ZNF555: variants seen among roughly 807,000 people sequenced by gnomAD.
ZNF555 encodes zinc finger protein 555.
A neutral mutation model predicts 14.0 loss-of-function variants in ZNF555; 10 were observed. The ratio of observed to expected loss-of-function variants is 0.72; its 90% CI spans 0.44 to 1.21. The LOEUF is 1.21. Among genes scored for constraint, ZNF555 ranks in the 50% most tolerant of loss-of-function variants. ZNF555 has a pLI of 0.00. For missense variants in ZNF555, 747 were observed against 762.0 expected, an observed-to-expected ratio of 0.98 and a Z score of 0.23; for synonymous variants, 277 against 262.4, an observed-to-expected ratio of 1.06 and a Z score of -0.54.
chr19:2,845,066 A>G (rs1446099678), intron 1 of ZNF555, among the ~76,000 whole-genome samples: 1 of 152,162 alleles, frequency 6.6e-6, no homozygotes, highest in African/African-American at 2.4e-5. Flanking sequence ...TGAGCTTGTC[A>G]CCCAGATAGT....
chr19:2,850,211 C>T (rs141371848), intron 1 of ZNF555, among the ~76,000 whole-genome samples: 18 of 152,144 alleles, frequency 1.2e-4, no homozygotes, highest in African/African-American at 4.1e-4. Context: ...TGTGTAGTGC[C>T]GAATGATGGT....
At position 2,841,576 on chromosome 19, in the gene ZNF555, G is replaced by C. The variant is rs1413755158; in HGVS notation, c.3+1G>C. On this transcript the variant is annotated splice_donor_variant, in intron 1 of 3. Coordinates refer to ENST00000334241, the MANE Select transcript of ZNF555 (RefSeq NM_152791.5). LOFTEE classifies it high-confidence loss of function. ...AGCGAAGAAATCGCCCCGGGACATG[G>C]TGAGTGTGGCGCAGGAGAGGATCCC... 1 of 1,542,484 alleles carries C rather than the reference G, an allele frequency of 6.5e-7. No homozygotes were observed. The highest frequency in any genetic ancestry group is 8.7e-7 in the Non-Finnish European group (1 of 1,143,372).
At chr19:2,843,617 A>G (rs1332822676) in intron 1 of ZNF555, among the ~76,000 whole-genome samples, 4 of 152,210 alleles carry the variant, frequency 2.6e-5, no homozygotes, top group African/African-American at 7.2e-5. Context: ...TCTCCTTGAC[A>G]TGGTAGAGAA....
At position 2,841,483 on chromosome 19, in the gene ZNF555, C is replaced by G. The variant is rs1010718126; in HGVS notation, c.-90C>G. On this transcript the variant is annotated 5_prime_UTR_variant, in exon 1 of 4. Transcript: ENST00000334241. ...TGGGACGGGACGCCTCTGTCCTAGC[C>G]GTGAGTGCCCCGCCTGCCCCTAGCG... is the stretch of plus-strand genomic sequence containing the variant. The G allele has an allele frequency of 1.4e-5, 21 of 1,534,894 alleles. No homozygotes were observed. Among genetic ancestry groups the G allele is most frequent in the Non-Finnish European group, 1.7e-5 (19 of 1,136,436 alleles).
rs2087670736 is a variant in ZNF555, at chr19:2,854,869, A to T, written c.*917A>T. 1 of 152,172 alleles carries T rather than the reference A, an allele frequency of 6.6e-6. No homozygotes were observed. Among genetic ancestry groups the T allele is most frequent in the South Asian group, 2.1e-4 (1 of 4,826 alleles). 9.4% of individuals were successfully genotyped at this position (152,172 alleles called of 1,614,324 possible). Reference sequence around the variant, plus strand: ...TCTCAAAACCCTGCATGACCTCTTGACCACTGATTCAGACTGTCTTGTTTG... The same window carrying T: ...TCTCAAAACCCTGCATGACCTCTTGTCCACTGATTCAGACTGTCTTGTTTG... On this transcript the variant is annotated 3_prime_UTR_variant, in exon 4 of 4. Coordinates refer to ENST00000334241, the MANE Select transcript of ZNF555 (RefSeq NM_152791.5).
rs750220752 is a variant in ZNF555 at position 2,851,572 on chromosome 19, T to C, written c.235T>C (p.Ser79Pro). ...SKIATFTRNV[S>P]WASVLGKIWD... ...AATAGCCACGTTCACCAGAAATGTTTCCTGGGCCTCTGTTTTAGGAAAAAT... is the reference window on the plus strand; with the variant it reads ...AATAGCCACGTTCACCAGAAATGTTCCCTGGGCCTCTGTTTTAGGAAAAAT... The change falls in exon 3 of 4, where the codon TCC (serine) becomes CCC (proline). Residue 79 changes from serine (S) to proline (P), a missense_variant. Ser to Pro is a moderately conservative substitution (Grantham distance 74). Coordinates refer to ENST00000334241, the MANE Select transcript of ZNF555 (RefSeq NM_152791.5). The C allele has an allele frequency of 6.2e-7, 1 of 1,612,598 alleles. No individual in the cohort carries two copies. The highest frequency in any genetic ancestry group is 1.1e-5 in the South Asian group (1 of 90,668).
At chr19:2,842,324 C>T (rs999160819) in intron 1 of ZNF555, among the ~76,000 whole-genome samples, 5 of 152,210 alleles carry the variant, frequency 3.3e-5, no homozygotes, top group Non-Finnish European at 7.3e-5. Flanking sequence ...TTCCTGGTCC[C>T]TGGGCTCTCA....
chr19:2,846,371 T>C (rs929084656), intron 1 of ZNF555, among the ~76,000 whole-genome samples: 6 of 152,168 alleles, frequency 3.9e-5, no homozygotes, highest in African/African-American at 1.4e-4. Context: ...CGGTCACAGC[T>C]CTGAATCAGA....
chr19:2,844,717 C>T (rs564829031), intron 1 of ZNF555, among the ~76,000 whole-genome samples: 7 of 152,240 alleles, frequency 4.6e-5, no homozygotes, highest in Non-Finnish European at 8.8e-5. Flanking sequence ...TCCAGGCTAG[C>T]TTATGCCAGC....
At chr19:2,842,948 C>T (rs1175238912) in intron 1 of ZNF555, among the ~76,000 whole-genome samples, 1 of 151,268 alleles carries the variant, frequency 6.6e-6, no homozygotes, top group Non-Finnish European at 1.5e-5. Flanking sequence ...GAGGCTGAGG[C>T]GGGAAAATCA....
Position 2,854,122 on chromosome 19 carries a change from C to A in ZNF555, c.*170C>A, listed in dbSNP as rs2087664284. 2.6e-6 allele frequency: 2 copies of A among 755,714 alleles called. No individual in the cohort carries two copies. Among genetic ancestry groups the A allele is most frequent in the Non-Finnish European group, 4.1e-6 (2 of 487,566 alleles). 46.8% of individuals were successfully genotyped at this position (755,714 alleles called of 1,614,324 possible). A position where few individuals can be genotyped will look rare whatever the true frequency, so the allele number is the denominator to read the frequency against. On this transcript the variant is annotated 3_prime_UTR_variant, in exon 4 of 4. Transcript: ENST00000334241. ...AACTTTCATCTTAGAGTGTTTTGGA[C>A]TCATGGATGATTTGAAGTGTATTTT...
Position 2,851,544 on chromosome 19 carries a change from T to C in ZNF555, c.207T>C (p.Ser69=). ...DIYGEKIPKE[S]KIATFTRNVS... is the part of the protein sequence containing the mutation. ...ATGGAGAGAAAATACCCAAGGAATC[T>C]AAAATAGCCACGTTCACCAGAAATG... is the stretch of plus-strand genomic sequence containing the variant. Residue 69 remains serine (S), a synonymous_variant, in exon 3 of 4, where the codon TCT becomes TCC. Coordinates refer to ENST00000334241, the MANE Select transcript of ZNF555 (RefSeq NM_152791.5). 6.2e-7 allele frequency: 1 copy of C among 1,612,890 alleles called. No individual in the cohort carries two copies. The highest frequency in any genetic ancestry group is 8.5e-7 in the Non-Finnish European group (1 of 1,179,742).
Position 2,852,927 on chromosome 19 carries a change from G to C in ZNF555, c.862G>C (p.Glu288Gln). The change falls in exon 4 of 4, where the codon GAA (glutamate) becomes CAA (glutamine). Residue 288 changes from glutamate (E) to glutamine (Q), a missense_variant. Coordinates refer to ENST00000334241, the MANE Select transcript of ZNF555 (RefSeq NM_152791.5). Reference protein sequence around the residue: ...HTGEKPYKCKECAEAFSYSST... With the variant: ...HTGEKPYKCKQCAEAFSYSST... ...TGGCGAGAAGCCATATAAATGTAAG[G>C]AATGTGCGGAAGCCTTTAGTTATTC... 1 of 1,614,148 alleles carries C rather than the reference G, an allele frequency of 6.2e-7. No individual in the cohort carries two copies. Among genetic ancestry groups the C allele is most frequent in the Non-Finnish European group, 8.5e-7 (1 of 1,180,038 alleles).
intron 1 of ZNF555, among the ~76,000 whole-genome samples, chr19:2,843,866 T>C (rs1432068256): frequency 1.3e-5 from 2 of 151,256 alleles, no homozygotes; most frequent in African/African-American, 4.9e-5. Context: ...TTTACTTTGT[T>C]TTTTTGTTTT....
rs8113238 is a variant in ZNF555, at chr19:2,852,147, C to T, written c.315-233C>T. On this transcript the variant is annotated intron_variant, in intron 3 of 3. Coordinates refer to ENST00000334241, the MANE Select transcript of ZNF555 (RefSeq NM_152791.5). ...TGGGTAACAGAGTAAGACTCTGTCT[C>T]AAAAAAAAAAAAAGAAAGAAAGAGA... is the stretch of plus-strand genomic sequence containing the variant. Among the ~76,000 whole-genome samples the T allele has an allele frequency of 8.3e-3, 1,206 of 145,118 alleles. 12 individuals carry two copies. Among genetic ancestry groups the T allele is most frequent in the African/African-American group, 0.029 (1,146 of 39,456 alleles).
At chr19:2,844,961 C>T (rs917653) in intron 1 of ZNF555, among the ~76,000 whole-genome samples, 127,050 of 152,116 alleles carry the variant, frequency 0.84, 53,375 homozygotes, top group East Asian at 1. Context: ...GCAATGGAAT[C>T]ATTATTTTTT....
rs1276771139 is a variant in ZNF555 at position 2,857,636 on chromosome 19, G to A, written c.*3684G>A. 2 of 152,160 alleles carry A rather than the reference G, an allele frequency of 1.3e-5. No individual in the cohort carries two copies. The highest frequency in any genetic ancestry group is 4.8e-5 in the African/African-American group (2 of 41,432). The allele number at this position is 152,160 out of a possible 1,614,324, so 9.4% of individuals were successfully genotyped here. ...GGCTACTCTTAAAATAGCAAATTTT[G>A]TTGTATGTATATTTTAAAGTTAAAC... On this transcript the variant is annotated 3_prime_UTR_variant, in exon 4 of 4. Transcript: ENST00000334241.
In ZNF555 at chr19:2,857,405, A is replaced by C. The variant is rs2144863485; in HGVS notation, c.*3453A>C. On this transcript the variant is annotated 3_prime_UTR_variant, in exon 4 of 4. Transcript: ENST00000334241. ...CTTAAATTTAGAACACTGGAAAGCA[A>C]GTATAATTAATTTTACAAATAGGGC... 6.6e-6 allele frequency: 1 copy of C among 152,356 alleles called. No individual in the cohort carries two copies. The allele number at this position is 152,356 out of a possible 1,614,324, so 9.4% of individuals were successfully genotyped here. A position where few individuals can be genotyped will look rare whatever the true frequency, so the allele number is the denominator to read the frequency against.
intron 3 of ZNF555, among the ~76,000 whole-genome samples, chr19:2,852,147 CAAA>C (rs35002179): frequency 2.8e-5 from 4 of 145,002 alleles, no homozygotes; most frequent in Non-Finnish European, 3.0e-5. Flanking sequence ...GACTCTGTCT[CAAA>C]AAAAAAAAAA....
Sources: gnomAD v4.1 joint callset for allele counts (sites outside exome capture counted in the v4.1 genomes callset) on GRCh38, gnomAD v4.1.1 for gene constraint, MANE v1.5 for transcripts, NCBI Gene and HGNC (gene_info 2026-07-23, HGNC 2026-07-21) for gene names.